The following NUBPL variants were observed in gnomAD, a reference collection of about 807,000 sequenced individuals.
NUBPL encodes NUBP iron-sulfur cluster assembly factor, mitochondrial.
NUBPL carries 31 observed loss-of-function variants against 45.7 expected under a neutral mutation model. The ratio of observed to expected loss-of-function variants is 0.68; its 90% CI spans 0.51 to 0.92. NUBPL has a LOEUF of 0.92. Among genes scored for constraint, NUBPL ranks in the 40% least tolerant of loss-of-function variants. The pLI, the probability that NUBPL is intolerant of heterozygous loss-of-function variation, is 0.00. For missense variants in NUBPL, 401 were observed against 398.7 expected (o/e 1.01, Z -0.05); for synonymous variants, 144 against 140.9 (o/e 1.02, Z -0.15).
At chr14:31,814,372 G>C (rs2039873846) in intron 7 of NUBPL, among the ~76,000 whole-genome samples, 1 of 152,002 alleles carries the variant, frequency 6.6e-6, no homozygotes, top group African/African-American at 2.4e-5. Flanking sequence ...CCCACTTTTT[G>C]ATGCAGTTGT....
chr14:31,663,236 T>C (rs150225912), intron 4 of NUBPL, among the ~76,000 whole-genome samples: 13,360 of 152,248 alleles, frequency 0.088, 736 homozygotes, highest in African/African-American at 0.15. Context: ...AGAAGCTCTT[T>C]AGTTTAATTA....
chr14:31,663,975 G>C (rs1267834535), intron 4 of NUBPL, among the ~76,000 whole-genome samples: 1 of 152,008 alleles, frequency 6.6e-6, no homozygotes, highest in Non-Finnish European at 1.5e-5. Flanking sequence ...TTGTATTCCT[G>C]GGTATTTTAT....
chr14:31,593,583 C>G (rs1256404070), intron 3 of NUBPL, among the ~76,000 whole-genome samples: 1 of 150,316 alleles, frequency 6.7e-6, no homozygotes, highest in African/African-American at 2.5e-5. Context: ...GGAACCAATG[C>G]CCTGCAGATA....
At chr14:31,833,177 A>G (rs1295518863) in intron 8 of NUBPL, among the ~76,000 whole-genome samples, 1 of 152,100 alleles carries the variant, frequency 6.6e-6, no homozygotes, top group Non-Finnish European at 1.5e-5. Flanking sequence ...AGACCAGCTT[A>G]GGCAACATAT....
intron 4 of NUBPL, among the ~76,000 whole-genome samples, chr14:31,651,437 AT>A (rs11352739): frequency 0.29 from 44,405 of 151,942 alleles, 7,433 homozygotes; most frequent in South Asian, 0.41. Context: ...CATGAATCAC[AT>A]TTTTTTTAAG....
intron 7 of NUBPL, among the ~76,000 whole-genome samples, chr14:31,791,324 T>C (rs2039378117): frequency 6.6e-6 from 1 of 152,154 alleles, no homozygotes; most frequent in South Asian, 2.1e-4. Context: ...CTAAAATTTA[T>C]TTTATGATTT....
chr14:31,645,778 C>CT (rs1429819292), intron 4 of NUBPL, among the ~76,000 whole-genome samples: 1 of 130,902 alleles, frequency 7.6e-6, no homozygotes, highest in East Asian at 2.6e-4. Flanking sequence ...CTTTACACCC[C>CT]CCCCCCCACA....
chr14:31,607,382 C>CA (rs11435588), intron 4 of NUBPL, among the ~76,000 whole-genome samples: 46,727 of 137,862 alleles, frequency 0.34, 8,170 homozygotes, highest in South Asian at 0.44. Flanking sequence ...GACTTTGTCT[C>CA]AAAAAAAAAA....
chr14:31,775,977 T>C (rs980534313), intron 6 of NUBPL, among the ~76,000 whole-genome samples: 2 of 152,234 alleles, frequency 1.3e-5, no homozygotes, highest in African/African-American at 2.4e-5. Context: ...AACATTTCTA[T>C]ATAAGCATTT....
intron 6 of NUBPL, among the ~76,000 whole-genome samples, chr14:31,717,485 C>G (rs55853518): frequency 0.012 from 1,854 of 152,284 alleles, 6 homozygotes; most frequent in Non-Finnish European, 0.019. Flanking sequence ...GCTATTCATT[C>G]CAGACAGTGC....
chr14:31,647,345 A>G (rs924789254), intron 4 of NUBPL, among the ~76,000 whole-genome samples: 1 of 150,996 alleles, frequency 6.6e-6, no homozygotes, highest in Non-Finnish European at 1.5e-5. Flanking sequence ...TTTTTATTGG[A>G]TATGTTTCTT....
chr14:31,766,549 G>T (rs941110986), intron 6 of NUBPL, among the ~76,000 whole-genome samples: 1 of 152,150 alleles, frequency 6.6e-6, no homozygotes. Context: ...AATGCTCAAA[G>T]AAACAAGTAG....
At chr14:31,787,372 G>A (rs1438641054) in intron 6 of NUBPL, among the ~76,000 whole-genome samples, 2 of 151,764 alleles carry the variant, frequency 1.3e-5, no homozygotes, top group African/African-American at 2.4e-5. Context: ...TTTTGTGAAG[G>A]AAATATAATA....
intron 6 of NUBPL, among the ~76,000 whole-genome samples, chr14:31,724,460 T>TA (rs11428438): frequency 1 from 151,638 of 152,266 alleles, 75,510 homozygotes; most frequent in Middle Eastern, 1. Context: ...AAAAATGTCC[T>TA]AAACCTAGCA....
intron 6 of NUBPL, among the ~76,000 whole-genome samples, chr14:31,679,009 T>C (rs965808250): frequency 1.3e-5 from 2 of 152,198 alleles, no homozygotes; most frequent in Non-Finnish European, 2.9e-5. Context: ...CCAGTCCATA[T>C]GCTTCCTCTG....
intron 4 of NUBPL, among the ~76,000 whole-genome samples, chr14:31,664,523 G>T (rs2036356576): frequency 6.6e-6 from 1 of 152,128 alleles, no homozygotes; most frequent in Admixed American, 6.6e-5. Flanking sequence ...TTCTGTTTAT[G>T]TGATGGCTTA....
intron 6 of NUBPL, among the ~76,000 whole-genome samples, chr14:31,767,126 T>C (rs1046256850): frequency 3.3e-5 from 5 of 152,240 alleles, no homozygotes; most frequent in African/African-American, 1.2e-4. Flanking sequence ...TAGAGCTCTT[T>C]TTAAAAAATC....
In NUBPL at chr14:31,659,564, T is replaced by G. The variant is rs892726269; in HGVS notation, c.383-13791T>G. ...TGTTTCTAGCCTTCCTTTTACTACA[T>G]CCTGTAAAACTTTCTAATATAAGAT... On this transcript the variant is annotated intron_variant, in intron 4 of 10. Transcript: ENST00000281081. 7.2e-5 allele frequency among the ~76,000 whole-genome samples: 11 copies of G among 152,306 alleles called. 1 individual carries two copies. The East Asian group carries it at 1.2e-3, about 16-fold the overall frequency.
intron 2 of NUBPL, among the ~76,000 whole-genome samples, chr14:31,563,546 A>G (rs982191332): frequency 6.6e-6 from 1 of 152,194 alleles, no homozygotes; most frequent in Non-Finnish European, 1.5e-5. Context: ...CTGTGAGCAT[A>G]TCTAAGTCTT....
Sources: gnomAD v4.1 joint callset for allele counts (sites outside exome capture counted in the v4.1 genomes callset) on GRCh38, gnomAD v4.1.1 for gene constraint, MANE v1.5 for transcripts, NCBI Gene and HGNC (gene_info 2026-07-23, HGNC 2026-07-21) for gene names.